Variants in DGKI observed in about 807,000 individuals in gnomAD.
The protein encoded by DGKI is DAG kinase iota.
A neutral mutation model predicts 147.5 loss-of-function variants in DGKI; 55 were observed. The observed-to-expected ratio is 0.37, with a 90% CI of 0.30 to 0.47. The LOEUF (loss-of-function observed/expected upper bound fraction) is 0.47. DGKI is among the 20% of genes least tolerant of loss of function. DGKI has a pLI of 1.00. For missense variants in DGKI, 1,007 were observed against 1,323.8 expected (o/e 0.76, Z 3.71); for synonymous variants, 469 against 477.1 (o/e 0.98, Z 0.22).
intron 28 of DGKI, among the ~76,000 whole-genome samples, chr7:137,437,094 C>T (rs1771515039): frequency 6.6e-6 from 1 of 152,150 alleles, no homozygotes; most frequent in Non-Finnish European, 1.5e-5. Flanking sequence ...GGATCAGGAA[C>T]AAGTCAATGA....
chr7:137,799,779 T>C (rs1220894648), intron 1 of DGKI, among the ~76,000 whole-genome samples: 33 of 152,204 alleles, frequency 2.2e-4, no homozygotes, highest in Admixed American at 1.8e-3. Context: ...AATTACAACA[T>C]CTCCCATACA....
intron 1 of DGKI, among the ~76,000 whole-genome samples, chr7:137,814,913 A>G (rs1301317461): frequency 1.3e-5 from 2 of 152,186 alleles, no homozygotes; most frequent in Admixed American, 6.5e-5. Context: ...CTCCTTCAGC[A>G]GCAATTCCTG....
At chr7:137,533,612 A>G (rs946868317) in intron 20 of DGKI, among the ~76,000 whole-genome samples, 3 of 152,132 alleles carry the variant, frequency 2.0e-5, no homozygotes, top group Non-Finnish European at 4.4e-5. Flanking sequence ...ACAAAATAAC[A>G]TCAAGCCAAA....
chr7:137,421,366 C>A (rs939222315), intron 28 of DGKI, among the ~76,000 whole-genome samples: 2 of 152,200 alleles, frequency 1.3e-5, no homozygotes, highest in African/African-American at 4.8e-5. Context: ...CAGAATTAAT[C>A]CCCCAATTCA....
intron 1 of DGKI, among the ~76,000 whole-genome samples, chr7:137,691,460 T>C (rs73731017): frequency 0.011 from 1,722 of 151,798 alleles, 26 homozygotes; most frequent in African/African-American, 0.039. Context: ...CTCCAGACAG[T>C]GGAATGGAGA....
rs146826440 is a variant in DGKI, at chr7:137,401,000, C to A, written c.2921-3587G>T. On this transcript the variant is annotated intron_variant, in intron 30 of 32. Coordinates refer to ENST00000614521, the MANE Select transcript of DGKI (RefSeq NM_001321708.2). ...CTTTAGGATAACTGTTTGCATAATG[C>A]TAGCAAGGAAGGAGTTACAGAGAGT... Among the ~76,000 whole-genome samples, 116 of 152,204 alleles carry A rather than the reference C, an allele frequency of 7.6e-4. 1 individual carries two copies. In the Middle Eastern group the frequency reaches 0.044, roughly 58 times the overall value.
chr7:137,628,698 T>C (rs1228402304), intron 6 of DGKI, among the ~76,000 whole-genome samples: 1 of 152,202 alleles, frequency 6.6e-6, no homozygotes, highest in African/African-American at 2.4e-5. Context: ...GACTTCAGGA[T>C]TAAAAATACC....
chr7:137,560,761 G>C (rs1818393466), intron 19 of DGKI, among the ~76,000 whole-genome samples: 1 of 152,190 alleles, frequency 6.6e-6, no homozygotes, highest in Non-Finnish European at 1.5e-5. Context: ...AGGACTGTAA[G>C]CCAAAGAATG....
At chr7:137,770,174 G>C (rs1379762967) in intron 1 of DGKI, among the ~76,000 whole-genome samples, 6 of 152,206 alleles carry the variant, frequency 3.9e-5, no homozygotes, top group African/African-American at 1.2e-4. Context: ...CAGGGACATG[G>C]ATGAAGCTGG....
At chr7:137,679,945 C>T (rs1030190268) in intron 2 of DGKI, among the ~76,000 whole-genome samples, 1 of 138,868 alleles carries the variant, frequency 7.2e-6, no homozygotes, top group East Asian at 2.1e-4. Flanking sequence ...GAGCCAAGAT[C>T]ATGCCACTGC....
chr7:137,414,498 T>C (rs1290739538), intron 28 of DGKI, among the ~76,000 whole-genome samples: 3 of 148,076 alleles, frequency 2.0e-5, no homozygotes, highest in African/African-American at 7.5e-5. Context: ...AAAAGAGAGA[T>C]GAAAATAAGA....
intron 20 of DGKI, among the ~76,000 whole-genome samples, chr7:137,549,117 A>G (rs1421293149): frequency 6.6e-6 from 1 of 152,206 alleles, no homozygotes; most frequent in Non-Finnish European, 1.5e-5. Flanking sequence ...TGGTAGTTTC[A>G]TGTGTACAGC....
At chr7:137,779,815 G>A (rs1796465521) in intron 1 of DGKI, among the ~76,000 whole-genome samples, 1 of 152,022 alleles carries the variant, frequency 6.6e-6, no homozygotes, top group South Asian at 2.1e-4. Flanking sequence ...CAGCAACATG[G>A]GGTACATTAT....
intron 28 of DGKI, among the ~76,000 whole-genome samples, chr7:137,412,599 G>A (rs1459516329): frequency 6.6e-6 from 1 of 152,198 alleles, no homozygotes; most frequent in Non-Finnish European, 1.5e-5. Context: ...GAAGTCCTAT[G>A]AATGTTCCTA....
chr7:137,756,641 G>A (rs1189115137), intron 1 of DGKI, among the ~76,000 whole-genome samples: 4 of 152,120 alleles, frequency 2.6e-5, no homozygotes, highest in East Asian at 1.9e-4. Context: ...TCCATGCAGT[G>A]CTGTTCTTAA....
Position 137,608,965 on chromosome 7 carries a change from C to T in DGKI, c.1167+1G>A, listed in dbSNP as rs777421537. On this transcript the variant is annotated splice_donor_variant, in intron 10 of 32. Coordinates refer to ENST00000614521, the MANE Select transcript of DGKI (RefSeq NM_001321708.2). LOFTEE classifies it high-confidence loss of function. ...GTTGAAAATCATGAAAAATTACTCA[C>T]CTGGTTGCCTCCACTCTTGGGATTC... 2 of 1,606,662 alleles carry T rather than the reference C, an allele frequency of 1.2e-6. No individual in the cohort carries two copies. The highest frequency in any genetic ancestry group is 1.1e-5 in the South Asian group (1 of 90,848).
chr7:137,597,930 A>G (rs1455781517), intron 11 of DGKI, 23 bp from the exon 12 acceptor site: 5 of 1,606,882 alleles, frequency 3.1e-6, no homozygotes, highest in Non-Finnish European at 4.3e-6. Flanking sequence ...TAGAAGAAAA[A>G]GTAAACAAAA....
intron 1 of DGKI, among the ~76,000 whole-genome samples, chr7:137,760,541 G>C (rs755969919): frequency 6.6e-6 from 1 of 151,922 alleles, no homozygotes; most frequent in South Asian, 2.1e-4. Flanking sequence ...GGATTTTATC[G>C]GGAGGGTTTC....
intron 20 of DGKI, among the ~76,000 whole-genome samples, chr7:137,524,611 C>T (rs1817077252): frequency 6.6e-6 from 1 of 152,076 alleles, no homozygotes; most frequent in Non-Finnish European, 1.5e-5. Context: ...GTTCACTCAA[C>T]TGATCTGCAA....
Sources: gnomAD v4.1 joint callset for allele counts (sites outside exome capture counted in the v4.1 genomes callset) on GRCh38, gnomAD v4.1.1 for gene constraint, MANE v1.5 for transcripts, NCBI Gene and HGNC (gene_info 2026-07-23, HGNC 2026-07-21) for gene names.